Variants in MYO16 observed in about 807,000 individuals in gnomAD.
MYO16 encodes unconventional myosin-XVI.
Under a neutral mutation model 205.3 loss-of-function variants are expected in MYO16, and 94 were observed. The observed-to-expected ratio is 0.46, with a 90% CI of 0.39 to 0.54. The LOEUF is 0.54. MYO16 is among the 20% of genes least tolerant of loss of function. MYO16 has a pLI of 0.00. For synonymous variants in MYO16, 988 were observed against 954.0 expected, an observed-to-expected ratio of 1.04 and a Z score of -0.66; for missense variants, 2,315 against 2,387.5, an observed-to-expected ratio of 0.97 and a Z score of 0.63.
rs115317991 is a variant in MYO16, at chr13:109,194,058, A to G, written c.5416-12551A>G. Among the ~76,000 whole-genome samples, 746 of 152,214 alleles carry G rather than the reference A, an allele frequency of 4.9e-3. 7 individuals are homozygous for G. Among genetic ancestry groups the G allele is most frequent in the African/African-American group, 0.016 (675 of 41,522 alleles). ...AATGACATGCATAAGTTATTAATCA[A>G]TTAATGCTATCCTGCCTCGTGAAAT... is the stretch of plus-strand genomic sequence containing the variant. On this transcript the variant is annotated intron_variant, in intron 34 of 34. Coordinates refer to ENST00000457511, the MANE Select transcript of MYO16 (RefSeq NM_001198950.3).
chr13:108,798,319 T>A (rs145445497), intron 6 of MYO16, among the ~76,000 whole-genome samples: 31 of 152,332 alleles, frequency 2.0e-4, no homozygotes, highest in Non-Finnish European at 3.7e-4. Context: ...AGTGTTAAAT[T>A]GTTATGTGCA....
chr13:108,505,845 C>T, the MYO16 span, among the ~76,000 whole-genome samples: 5 of 152,014 alleles, frequency 3.3e-5, no homozygotes, highest in African/African-American at 1.2e-4. Context: ...TCTTTTGCTG[C>T]ATAAGGTAAA....
At chr13:108,711,736 T>A (rs1883730697) in intron 2 of MYO16, among the ~76,000 whole-genome samples, 1 of 152,206 alleles carries the variant, frequency 6.6e-6, no homozygotes, top group Non-Finnish European at 1.5e-5. Flanking sequence ...ACATTTCAAG[T>A]TACAGATAAA....
intron 31 of MYO16, among the ~76,000 whole-genome samples, chr13:109,133,006 G>A (rs1160655184): frequency 3.3e-5 from 5 of 152,174 alleles, no homozygotes; most frequent in African/African-American, 9.7e-5. Context: ...CAACAGCATC[G>A]AGTGCAGTAG....
At chr13:108,750,863 C>T (rs949153470) in intron 4 of MYO16, among the ~76,000 whole-genome samples, 1 of 152,004 alleles carries the variant, frequency 6.6e-6, no homozygotes, top group Admixed American at 6.6e-5. Flanking sequence ...CGGACAATTA[C>T]ATAAATGGAT....
At chr13:108,669,454 A>G (rs1211646222) in intron 2 of MYO16, among the ~76,000 whole-genome samples, 1 of 152,170 alleles carries the variant, frequency 6.6e-6, no homozygotes, top group African/African-American at 2.4e-5. Flanking sequence ...TAAAGAGGAG[A>G]GAAATGGAAA....
intron 1 of MYO16, among the ~76,000 whole-genome samples, chr13:108,657,505 G>A (rs964821386): frequency 6.6e-6 from 1 of 152,198 alleles, no homozygotes; most frequent in African/African-American, 2.4e-5. Flanking sequence ...TATCTTGGTT[G>A]TAGGAAAGAT....
rs60958996 is a variant in MYO16 at position 108,981,647 on chromosome 13, C to T, written c.2370-10729C>T. On this transcript the variant is annotated intron_variant, in intron 20 of 34. Transcript: ENST00000457511. The stretch of plus-strand genomic sequence containing the variant: ...GCTCCAGCCTTCAGCTGGCCAATTG[C>T]GGGGCCGCTGGGTTAGGTCATCCTG... Among the ~76,000 whole-genome samples, 550 of 152,352 alleles carry T rather than the reference C, an allele frequency of 3.6e-3. 5 individuals carry two copies. Among genetic ancestry groups the T allele is most frequent in the African/African-American group, 0.013 (529 of 41,574 alleles).
chr13:109,101,772 A>C (rs1888974991), intron 28 of MYO16: 1 of 152,254 alleles, frequency 6.6e-6, no homozygotes. Context: ...CTTTGATAAA[A>C]ATATGACGAT....
At chr13:109,030,059 T>C (rs1886499586) in intron 23 of MYO16, among the ~76,000 whole-genome samples, 1 of 152,050 alleles carries the variant, frequency 6.6e-6, no homozygotes. Context: ...ACTATCCATA[T>C]ACAGATTTCT....
chr13:108,674,519 C>T (rs908258931), intron 2 of MYO16, among the ~76,000 whole-genome samples: 1 of 152,158 alleles, frequency 6.6e-6, no homozygotes, highest in Non-Finnish European at 1.5e-5. Flanking sequence ...ATCCTCTCTC[C>T]CTGACCTCCC....
Position 108,957,581 on chromosome 13 carries a change from A to G in MYO16, c.1926-107A>G, listed in dbSNP as rs540688509. On this transcript the variant is annotated intron_variant, in intron 16 of 34. Transcript: ENST00000457511. ...GAAAACACGTGGGGACACCATGTCC[A>G]GGTGATTCCCATCATTTTAGAGATC... 6.0e-5 allele frequency: 42 copies of G among 699,504 alleles called. No homozygotes were observed. The Middle Eastern group carries it at 2.9e-3, about 49-fold the overall frequency. 43.3% of individuals were successfully genotyped at this position (699,504 alleles called of 1,614,324 possible).
chr13:108,635,514 T>A (rs1021813700), intron 1 of MYO16, among the ~76,000 whole-genome samples: 3 of 151,998 alleles, frequency 2.0e-5, no homozygotes, highest in Non-Finnish European at 4.4e-5. Flanking sequence ...TTTATTTTTT[T>A]TTTTTTGAGG....
intron 28 of MYO16, among the ~76,000 whole-genome samples, chr13:109,113,017 A>G (rs1439579550): frequency 6.6e-6 from 1 of 152,254 alleles, no homozygotes; most frequent in Non-Finnish European, 1.5e-5. Flanking sequence ...GTAGAGATGT[A>G]TACAAGGTAC....
chr13:108,944,116 C>T (rs754037990), intron 16 of MYO16, among the ~76,000 whole-genome samples: 2 of 152,100 alleles, frequency 1.3e-5, no homozygotes, highest in Non-Finnish European at 2.9e-5. Flanking sequence ...GACTCTGTCT[C>T]GTCTAGATTT....
chr13:108,622,889 G>A (rs1244523058), intron 1 of MYO16, among the ~76,000 whole-genome samples: 1 of 151,938 alleles, frequency 6.6e-6, no homozygotes, highest in African/African-American at 2.4e-5. Flanking sequence ...ATCCTGCAAG[G>A]GCAGTGGAAT....
At position 108,685,196 on chromosome 13, in the gene MYO16, T is replaced by C. The variant is rs143188176; in HGVS notation, c.292+19047T>C. Among the ~76,000 whole-genome samples the C allele has an allele frequency of 8.4e-3, 1,277 of 152,150 alleles. 14 individuals are homozygous for C. The highest frequency in any genetic ancestry group is 0.029 in the African/African-American group (1,223 of 41,512). On this transcript the variant is annotated intron_variant, in intron 2 of 34. Coordinates refer to ENST00000457511, the MANE Select transcript of MYO16 (RefSeq NM_001198950.3). ...TGCCACCATGCCCAGCTAATTTTTGTATTTTTAGTAGAGATGGGGTTTCAC... is the reference window on the plus strand; with the variant it reads ...TGCCACCATGCCCAGCTAATTTTTGCATTTTTAGTAGAGATGGGGTTTCAC...
Position 109,146,675 on chromosome 13 carries a change from C to T in MYO16, c.5164+5299C>T, listed in dbSNP as rs193092212. Among the ~76,000 whole-genome samples the T allele has an allele frequency of 4.6e-5, 7 of 151,990 alleles. No homozygotes were observed. The South Asian group carries it at 1.2e-3, about 27-fold the overall frequency. On this transcript the variant is annotated intron_variant, in intron 32 of 34. Coordinates refer to ENST00000457511, the MANE Select transcript of MYO16 (RefSeq NM_001198950.3). Reference sequence around the variant, plus strand: ...AGCCAGGCATGGTGGCATGTGCCTGCGGTCCCAGCTACTTGAGAGGCTGAG... The same window carrying T: ...AGCCAGGCATGGTGGCATGTGCCTGTGGTCCCAGCTACTTGAGAGGCTGAG...
rs2139234022 is a variant in MYO16, at chr13:108,910,057, G to A, written c.1832G>A (p.Gly611Asp). The stretch of plus-strand genomic sequence containing the variant: ...TCCAGACTTGTTTCACAACCTCTTG[G>A]CCAGAGCAATTTTCTCATTTTCTAC... ...EKSRLVSQPL[G>D]QSNFLIFYLL... The change falls in exon 16 of 35, where the codon GGC becomes GAC. Residue 611 changes from glycine to aspartate, a missense_variant. Around this residue, in one of 3 missense-constraint regions of MYO16, gnomAD observed 1,213 missense variants for 1,274.4 expected, o/e 0.95. Transcript: ENST00000457511. 6.2e-7 allele frequency: 1 copy of A among 1,613,396 alleles called. No homozygotes were observed.
Sources: allele counts gnomAD v4.1 joint callset (sites outside exome capture counted in the v4.1 genomes callset), GRCh38; gene constraint gnomAD v4.1.1; regional missense constraint gnomAD v4.1.1; transcripts MANE v1.5; gene names NCBI Gene and HGNC (gene_info 2026-07-23, HGNC 2026-07-21).